NCOR2: variants seen among roughly 807,000 people sequenced by gnomAD.
NCOR2 encodes CTG repeat protein 26.
A neutral mutation model predicts 262.9 loss-of-function variants in NCOR2; 81 were observed. The ratio of observed to expected loss-of-function variants is 0.31; its 90% CI spans 0.26 to 0.37. The LOEUF (loss-of-function observed/expected upper bound fraction) is 0.37, where lower values mean the gene tolerates loss of function less well. Ranked by LOEUF, NCOR2 falls within the 10% of genes least tolerant of loss-of-function variation. NCOR2 has a pLI of 1.00. For synonymous variants in NCOR2, 1,659 were observed against 1,559.3 expected (o/e 1.06, Z -1.51); for missense variants, 3,385 against 3,621.4 (o/e 0.93, Z 1.68).
chr12:124,358,995 C>T (rs1191158073), intron 22 of NCOR2, among the ~76,000 whole-genome samples: 1 of 152,274 alleles, frequency 6.6e-6, no homozygotes, highest in East Asian at 1.9e-4. Context: ...GGGCTGCAGA[C>T]CATGGCCTTA....
chr12:124,333,339 T>G (rs2035391639), intron 41 of NCOR2, 60 bp from the exon 44 acceptor site: 3 of 1,394,718 alleles, frequency 2.2e-6, no homozygotes, highest in Non-Finnish European at 2.8e-6. Context: ...GGGCGCACCC[T>G]CCCTCCACTC....
intron 3 of NCOR2, among the ~76,000 whole-genome samples, chr12:124,475,187 AC>A (rs2047041101): frequency 6.6e-6 from 1 of 151,880 alleles, no homozygotes; most frequent in African/African-American, 2.4e-5. Context: ...ACACACACGG[AC>A]TCCTCGAGGG....
At chr12:124,545,814 G>C (rs1363338048) in intron 1 of NCOR2, among the ~76,000 whole-genome samples, 1 of 152,114 alleles carries the variant, frequency 6.6e-6, no homozygotes, top group Non-Finnish European at 1.5e-5. Context: ...GGTGGGGGAC[G>C]AGTGGCGTGG....
chr12:124,411,273 C>CAGAG (rs746631858), intron 13 of NCOR2, among the ~76,000 whole-genome samples: 5 of 151,280 alleles, frequency 3.3e-5, no homozygotes, highest in African/African-American at 1.2e-4. Flanking sequence ...CATACACACA[C>CAGAG]AGAGAGAGAG....
rs369507524 is a variant in NCOR2, at chr12:124,374,508, T to A, written c.2168-45A>T. 5.0e-6 allele frequency: 8 copies of A among 1,588,026 alleles called. No homozygotes were observed. In the African/African-American group the frequency reaches 1.1e-4, roughly 21 times the overall value. On this transcript the variant is annotated intron_variant, in intron 18 of 46. Coordinates refer to ENST00000405201, the Ensembl canonical transcript of NCOR2. ...GAGTTAGAAGTGAGGCAGCACCAAG[T>A]AGTGGGAGGGGAGGGAGGAGGCAAC...
chr12:124,387,579 G>A (rs527352491), intron 16 of NCOR2, among the ~76,000 whole-genome samples: 2 of 152,260 alleles, frequency 1.3e-5, no homozygotes, highest in South Asian at 2.1e-4. Context: ...CTGACTGACA[G>A]GCCACCTGTT....
At chr12:124,379,388 C>T (rs1593288598) in intron 17 of NCOR2, among the ~76,000 whole-genome samples, 5 of 152,330 alleles carry the variant, frequency 3.3e-5, no homozygotes, top group Admixed American at 3.3e-4. Flanking sequence ...CACGCTGAGC[C>T]AGGCAGAGGC....
At chr12:124,437,771 C>T (rs937883455) in intron 8 of NCOR2, among the ~76,000 whole-genome samples, 159 bp downstream of exon 10, 11 of 140,392 alleles carry the variant, frequency 7.8e-5, no homozygotes, top group African/African-American at 2.8e-4. Flanking sequence ...TGTTGTCTTT[C>T]CTCCTTTCCT....
At chr12:124,357,820 G>A (rs1297787554) in intron 22 of NCOR2, among the ~76,000 whole-genome samples, 2 of 121,174 alleles carry the variant, frequency 1.7e-5, no homozygotes, top group Non-Finnish European at 3.4e-5. Flanking sequence ...GCGCACGCGC[G>A]TGCACGTGTA....
In NCOR2 at chr12:124,440,974, G is replaced by A. The variant is rs902574079; in HGVS notation, c.816-2978C>T. 6.6e-6 allele frequency among the ~76,000 whole-genome samples: 1 copy of A among 152,196 alleles called. No homozygotes were observed. The highest frequency in any genetic ancestry group is 1.5e-5 in the Non-Finnish European group (1 of 68,034). ...CCTGTGGCTGGACAGTGCTGGGGAG[G>A]GGCAGAGAGGACGGAGGAGGGGCTG... is the stretch of plus-strand genomic sequence containing the variant. On this transcript the variant is annotated intron_variant, in intron 7 of 46. Coordinates refer to ENST00000405201, the Ensembl canonical transcript of NCOR2. The surrounding 1 kb of genome is among the most constrained non-coding windows in gnomAD (Gnocchi z 5.7).
chr12:124,355,356 G>C, intron 24 of NCOR2, 76 bp downstream of exon 26: 1 of 1,543,384 alleles, frequency 6.5e-7, no homozygotes, highest in South Asian at 1.2e-5. Flanking sequence ...CCCCCACTCA[G>C]ACTTCATTGG....
chr12:124,329,966 G>A (rs1371217432), intron 44 of NCOR2, among the ~76,000 whole-genome samples: 2 of 152,222 alleles, frequency 1.3e-5, no homozygotes, highest in South Asian at 2.1e-4. Flanking sequence ...CACTGGGCAG[G>A]TGGAGGTGTC....
chr12:124,495,281 C>T (rs1424928665), upstream of NCOR2: 1 of 1,600,696 alleles, frequency 6.2e-7, no homozygotes, highest in Non-Finnish European at 8.5e-7. This position sits in a 1 kb window ranked among gnomAD's most constrained non-coding sequence, Gnocchi z 4.4. Flanking sequence ...GAGCTGCTCC[C>T]AGGCCCCAAT....
intron 35 of NCOR2, 45 bp from the exon 38 acceptor site, chr12:124,340,488 G>C (rs1336782252): frequency 6.3e-7 from 1 of 1,595,880 alleles, no homozygotes; most frequent in South Asian, 1.1e-5. Flanking sequence ...GGCCGAAGAA[G>C]AGCCTGGCTT....
exon 44 of NCOR2, chr12:124,330,881 T>G: frequency 1.9e-6 from 3 of 1,583,208 alleles, no homozygotes; most frequent in Non-Finnish European, 2.6e-6. Flanking sequence ...AAGATCTCCG[T>G]CCCAGGCTGG....
In NCOR2 at chr12:124,385,993, T is replaced by C. The variant is rs978291088; in HGVS notation, c.1877-106A>G. ...ACGGGCCTGGAGCAGAAACCCAGCCTGGGGCTCCCTGCTCAGGCCCAGGAC... is the reference window on the plus strand; with the variant it reads ...ACGGGCCTGGAGCAGAAACCCAGCCCGGGGCTCCCTGCTCAGGCCCAGGAC... On this transcript the variant is annotated intron_variant, in intron 16 of 46. Coordinates refer to ENST00000405201, the Ensembl canonical transcript of NCOR2. 14 of 1,372,146 alleles carry C rather than the reference T, an allele frequency of 1.0e-5. No individual in the cohort carries two copies. In the African/African-American group the frequency reaches 1.6e-4, roughly 16 times the overall value. 85.0% of individuals were successfully genotyped at this position (1,372,146 alleles called of 1,614,324 possible). A position where few individuals can be genotyped will look rare whatever the true frequency, so the allele number is the denominator to read the frequency against.
intron 28 of NCOR2, 114 bp from the exon 31 acceptor site, chr12:124,348,428 C>T: frequency 7.2e-7 from 1 of 1,384,154 alleles, no homozygotes; most frequent in Non-Finnish European, 9.6e-7. Flanking sequence ...CCATGCTGGC[C>T]CCGTCACAAA....
At chr12:124,545,104 G>GT (rs1439996121) in intron 1 of NCOR2, among the ~76,000 whole-genome samples, 2 of 151,996 alleles carry the variant, frequency 1.3e-5, no homozygotes, top group Non-Finnish European at 2.9e-5. Flanking sequence ...CACCATCGGG[G>GT]TTCACCAGGC....
At chr12:124,352,350 G>A (rs1438533482) in intron 27 of NCOR2, among the ~76,000 whole-genome samples, 1 of 152,144 alleles carries the variant, frequency 6.6e-6, no homozygotes, top group African/African-American at 2.4e-5. Context: ...TAAAAAGGGG[G>A]GCTCTCCATG....
Sources: gnomAD v4.1 joint callset for allele counts (sites outside exome capture counted in the v4.1 genomes callset) on GRCh38, gnomAD v4.1.1 for gene constraint, Gnocchi (gnomAD v3.1) non-coding constraint, MANE v1.5 for transcripts, NCBI Gene and HGNC (gene_info 2026-07-23, HGNC 2026-07-21) for gene names.